The following IMMP2L variants were observed in gnomAD, a reference collection of about 807,000 sequenced individuals.
IMMP2L encodes the protein inner mitochondrial membrane peptidase subunit 2, also known as mitochondrial inner membrane protease subunit 2.
A neutral mutation model predicts 19.3 loss-of-function variants in IMMP2L; 18 were observed. That is an observed-to-expected ratio of 0.93 (90% CI 0.64 to 1.38). The LOEUF is 1.38. IMMP2L is among the 40% of genes most tolerant of loss of function. IMMP2L has a pLI of 0.00. For synonymous variants in IMMP2L, 76 were observed against 73.0 expected (o/e 1.04, Z -0.21); for missense variants, 233 against 218.2 (o/e 1.07, Z -0.43).
Position 111,080,788 on chromosome 7 carries a change from C to G in IMMP2L, c.240-117223G>C, listed in dbSNP as rs969318065. On this transcript the variant is annotated intron_variant, in intron 3 of 5. Coordinates refer to ENST00000405709, the MANE Select transcript of IMMP2L (RefSeq NM_032549.4). ...ATACGCTAGGCATTGTGCTGAGGAC[C>G]AGGAATACAAAGATGCAGACATCCT... Among the ~76,000 whole-genome samples, 5 of 152,110 alleles carry G rather than the reference C, an allele frequency of 3.3e-5. No individual in the cohort carries two copies. In the South Asian group the frequency reaches 1.0e-3, roughly 32 times the overall value.
chr7:110,688,426 C>G (rs997807163), intron 5 of IMMP2L, among the ~76,000 whole-genome samples: 3 of 151,884 alleles, frequency 2.0e-5, no homozygotes, highest in Admixed American at 1.3e-4. Context: ...TAAACAAAAC[C>G]AAATACTGGC....
chr7:110,670,456 G>A lies in IMMP2L; in HGVS notation c.409-6735C>T, dbSNP rs180761917. ...TGTAATCCCAGCACTTTGGGAGGCC[G>A]AGGTGGACAGATCACTTGAGGTCAG... On this transcript the variant is annotated intron_variant, in intron 5 of 5. Transcript: ENST00000405709. 5.1e-3 allele frequency among the ~76,000 whole-genome samples: 784 copies of A among 152,252 alleles called. 6 individuals are homozygous for A. The highest frequency in any genetic ancestry group is 0.01 in the Middle Eastern group (3 of 294).
intron 3 of IMMP2L, among the ~76,000 whole-genome samples, chr7:111,347,898 C>G (rs373659356): frequency 2.2e-4 from 33 of 151,658 alleles, no homozygotes; most frequent in Admixed American, 9.2e-4. Context: ...TTAAAAAGTT[C>G]TATCAAGACT....
intron 5 of IMMP2L, among the ~76,000 whole-genome samples, chr7:110,703,548 G>A (rs1179360389): frequency 5.3e-5 from 8 of 152,076 alleles, no homozygotes; most frequent in African/African-American, 1.7e-4. Context: ...ACCTCAGTTT[G>A]TAGCTCATTT....
intron 3 of IMMP2L, among the ~76,000 whole-genome samples, chr7:111,016,815 AT>A (rs1563163012): frequency 1.2e-4 from 6 of 50,042 alleles, no homozygotes; most frequent in South Asian, 1.2e-3. Context: ...TATACTATAT[AT>A]TATATATAAT....
At chr7:110,884,859 A>G (rs1220765571) in intron 5 of IMMP2L, among the ~76,000 whole-genome samples, 2 of 152,038 alleles carry the variant, frequency 1.3e-5, no homozygotes, top group Non-Finnish European at 2.9e-5. Flanking sequence ...CATTGCAACT[A>G]GAAAAAAAAG....
intron 4 of IMMP2L, among the ~76,000 whole-genome samples, chr7:110,907,413 T>G (rs1274914597): frequency 6.6e-6 from 1 of 152,154 alleles, no homozygotes; most frequent in African/African-American, 2.4e-5. Context: ...AAGTTGCTTC[T>G]CTTCAATGGT....
intron 3 of IMMP2L, among the ~76,000 whole-genome samples, chr7:111,461,459 G>T (rs1840131641): frequency 6.6e-6 from 1 of 151,900 alleles, no homozygotes; most frequent in South Asian, 2.1e-4. Context: ...TATTTTTATG[G>T]CTCTTGCTAC....
chr7:110,920,709 G>A (rs2129550423), intron 4 of IMMP2L, among the ~76,000 whole-genome samples: 1 of 152,060 alleles, frequency 6.6e-6, no homozygotes, highest in African/African-American at 2.4e-5. Context: ...ATCACTATGG[G>A]GTATGTCCCA....
intron 5 of IMMP2L, among the ~76,000 whole-genome samples, chr7:110,817,280 C>A (rs1240680948): frequency 1.3e-5 from 2 of 152,086 alleles, no homozygotes; most frequent in African/African-American, 2.4e-5. Context: ...GATACAAAAT[C>A]AATGTACCAA....
rs1234300045 is a variant in IMMP2L, at chr7:110,917,382, C to T, written c.306-30687G>A. ...TTTTTTCTTTTCATGCCTTTCCTGT[C>T]ATTCAAAGGTTAAAAATGATAACAA... On this transcript the variant is annotated intron_variant, in intron 4 of 5. Coordinates refer to ENST00000405709, the MANE Select transcript of IMMP2L (RefSeq NM_032549.4). Among the ~76,000 whole-genome samples the T allele has an allele frequency of 3.3e-5, 5 of 152,274 alleles. No individual in the cohort carries two copies. In the South Asian group the frequency reaches 8.3e-4, roughly 25 times the overall value.
chr7:110,905,776 T>C (rs1042086249), intron 4 of IMMP2L, among the ~76,000 whole-genome samples: 2 of 152,216 alleles, frequency 1.3e-5, no homozygotes, highest in African/African-American at 4.8e-5. Flanking sequence ...TACAAACTGA[T>C]AGTTGTCAGC....
intron 3 of IMMP2L, among the ~76,000 whole-genome samples, chr7:111,121,779 G>GT (rs1331265237): frequency 6.6e-6 from 1 of 152,108 alleles, no homozygotes; most frequent in Admixed American, 6.5e-5. Context: ...ACATGCACAC[G>GT]TATGTTTATT....
rs930506546 is a variant in IMMP2L at position 110,924,381 on chromosome 7, C to T, written c.306-37686G>A. Among the ~76,000 whole-genome samples the T allele has an allele frequency of 6.6e-6, 1 of 152,052 alleles. No individual in the cohort carries two copies. Among genetic ancestry groups the T allele is most frequent in the African/African-American group, 2.4e-5 (1 of 41,404 alleles). On this transcript the variant is annotated intron_variant, in intron 4 of 5. Coordinates refer to ENST00000405709, the MANE Select transcript of IMMP2L (RefSeq NM_032549.4). The surrounding 1 kb of genome is among the most constrained non-coding windows in gnomAD (Gnocchi z 4.2). ...AAGTCCTCTGGAGGTTCCATTTCAG[C>T]GCTACCTTTGCCAACGGAGTCCTGC...
At chr7:110,731,674 A>G (rs1214480264) in intron 5 of IMMP2L, among the ~76,000 whole-genome samples, 1 of 152,202 alleles carries the variant, frequency 6.6e-6, no homozygotes, top group East Asian at 1.9e-4. Context: ...AAAAAATGCC[A>G]TTAAATATAA....
At chr7:111,047,532 A>G (rs1013360181) in intron 3 of IMMP2L, among the ~76,000 whole-genome samples, 1 of 152,120 alleles carries the variant, frequency 6.6e-6, no homozygotes, top group Non-Finnish European at 1.5e-5. Flanking sequence ...TTGGATTTCA[A>G]GATACAACCT....
At chr7:111,507,861 T>C (rs1405184848) in intron 2 of IMMP2L, among the ~76,000 whole-genome samples, 3 of 152,148 alleles carry the variant, frequency 2.0e-5, no homozygotes, top group Non-Finnish European at 4.4e-5. Flanking sequence ...ATGCTTCATT[T>C]ATTCTCCAAA....
chr7:110,736,160 C>T (rs1796622942), intron 5 of IMMP2L, among the ~76,000 whole-genome samples: 1 of 152,096 alleles, frequency 6.6e-6, no homozygotes, highest in Admixed American at 6.5e-5. Context: ...TGCAGGCATG[C>T]AGAGTACAAG....
intron 3 of IMMP2L, among the ~76,000 whole-genome samples, chr7:111,412,383 A>T (rs1486590237): frequency 6.6e-6 from 1 of 151,744 alleles, no homozygotes; most frequent in Non-Finnish European, 1.5e-5. Flanking sequence ...ACGTAAAAAA[A>T]TTAACTAAAA....
Sources: allele counts gnomAD v4.1 joint callset (sites outside exome capture counted in the v4.1 genomes callset), GRCh38; gene constraint gnomAD v4.1.1; non-coding constraint Gnocchi (gnomAD v3.1); transcripts MANE v1.5; gene names NCBI Gene and HGNC (gene_info 2026-07-23, HGNC 2026-07-21).